The following PPARA variants were observed in gnomAD, a reference collection of about 807,000 sequenced individuals.
The protein encoded by PPARA is peroxisome proliferator-activated receptor alpha.
In PPARA, 22 loss-of-function variants were observed where a neutral mutation model predicts 42.2. That is an observed-to-expected ratio of 0.52 (90% confidence interval 0.37 to 0.74). The LOEUF (loss-of-function observed/expected upper bound fraction) is 0.74. PPARA is among the 30% of genes least tolerant of loss of function. The probability of loss-of-function intolerance (pLI) is 0.00; values close to 1 mark genes in which losing one functional copy is unlikely to be tolerated. For synonymous variants in PPARA, 242 were observed against 239.3 expected (o/e 1.01, Z -0.10); for missense variants, 465 against 608.2 (o/e 0.76, Z 2.48).
Position 46,211,133 on chromosome 22 carries a change from T to C in PPARA, c.209-4040T>C, listed in dbSNP as rs561108831. 7.2e-5 allele frequency among the ~76,000 whole-genome samples: 11 copies of C among 152,212 alleles called. No individual in the cohort carries two copies. Among genetic ancestry groups the C allele is most frequent in the Non-Finnish European group, 1.5e-4 (10 of 68,042 alleles). On this transcript the variant is annotated intron_variant, in intron 4 of 8. Coordinates refer to ENST00000407236, the MANE Select transcript of PPARA (RefSeq NM_005036.6). This position sits in a 1 kb window ranked among gnomAD's most constrained non-coding sequence, Gnocchi z 4.1. Reference sequence around the variant, plus strand: ...CTGGCAGAGCAAATACATATATGTATACATACTAACCTATGTCTATACAGG... The same window carrying C: ...CTGGCAGAGCAAATACATATATGTACACATACTAACCTATGTCTATACAGG...
At chr22:46,158,982 G>A (rs117601978) in intron 2 of PPARA, among the ~76,000 whole-genome samples, 3,194 of 152,110 alleles carry the variant, frequency 0.021, 65 homozygotes, top group Non-Finnish European at 0.03. Flanking sequence ...CTCTGCCTCC[G>A]GGGTTCCAGT....
chr22:46,185,663 G>A (rs916715547), intron 3 of PPARA, among the ~76,000 whole-genome samples: 4 of 151,456 alleles, frequency 2.6e-5, no homozygotes, highest in African/African-American at 9.7e-5. Flanking sequence ...GGGAGGCTGA[G>A]GCAGGTGGAT....
intron 2 of PPARA, chr22:46,164,672 G>A (rs1261387374): frequency 1.3e-5 from 2 of 152,238 alleles, no homozygotes; most frequent in Non-Finnish European, 2.9e-5. Context: ...CTGCTAGAAG[G>A]TGGCCCAGCA....
rs2147712249 is a variant in PPARA at position 46,233,868 on chromosome 22, G to A, written c.1160-1265G>A. ...AGACAGAGTCTCCGTCTGTCACCCT[G>A]GCTGGAGTGCAGTGGCACGATCTCA... On this transcript the variant is annotated intron_variant, in intron 8 of 8. Transcript: ENST00000407236. The surrounding 1 kb of genome is among the most constrained non-coding windows in gnomAD (Gnocchi z 7.3). Among the ~76,000 whole-genome samples the A allele has an allele frequency of 6.7e-6, 1 of 150,274 alleles. No individual in the cohort carries two copies. The highest frequency in any genetic ancestry group is 2.0e-4 in the East Asian group (1 of 5,116).
At position 46,183,025 on chromosome 22, in the gene PPARA, A is replaced by G. The variant is rs1930187417; in HGVS notation, c.-43+6189A>G. Among the ~76,000 whole-genome samples, 1 of 152,212 alleles carries G rather than the reference A, an allele frequency of 6.6e-6. No homozygotes were observed. The highest frequency in any genetic ancestry group is 2.4e-5 in the African/African-American group (1 of 41,450). ...CTCCCAAAGTGTTGGGATTATAGGC[A>G]TGAGCCACAGCACCGGGCCCATAAA... On this transcript the variant is annotated intron_variant, in intron 3 of 8. Transcript: ENST00000407236. The surrounding 1 kb of genome is among the most constrained non-coding windows in gnomAD (Gnocchi z 5.5).
rs1027920418 is a variant in PPARA, at chr22:46,184,567, A to G, written c.-43+7731A>G. 6.6e-6 allele frequency among the ~76,000 whole-genome samples: 1 copy of G among 152,206 alleles called. No homozygotes were observed. Among genetic ancestry groups the G allele is most frequent in the Non-Finnish European group, 1.5e-5 (1 of 68,038 alleles). On this transcript the variant is annotated intron_variant, in intron 3 of 8. Transcript: ENST00000407236. The surrounding 1 kb of genome is among the most constrained non-coding windows in gnomAD (Gnocchi z 4.4). ...TCCCATGTTGCTGTTGGAAAATCCA[A>G]AAGTATTCTATTTGGCCAGGCACAG...
In PPARA at chr22:46,160,019, A is replaced by T. The variant is rs1442871829; in HGVS notation, c.-127+8049A>T. ...TCCGATCACAAGCTGTGACTGGAAG[A>T]CGCCGACCACCACTGCAGCAGCCTG... On this transcript the variant is annotated intron_variant, in intron 2 of 8. Transcript: ENST00000407236. The surrounding 1 kb of genome is among the most constrained non-coding windows in gnomAD (Gnocchi z 4.5). Among the ~76,000 whole-genome samples the T allele has an allele frequency of 1.3e-5, 2 of 151,992 alleles. No individual in the cohort carries two copies. The highest frequency in any genetic ancestry group is 3.9e-4 in the East Asian group (2 of 5,184).
At position 46,187,007 on chromosome 22, in the gene PPARA, A is replaced by G. The variant is rs983101430; in HGVS notation, c.-43+10171A>G. Among the ~76,000 whole-genome samples, 3 of 152,224 alleles carry G rather than the reference A, an allele frequency of 2.0e-5. No homozygotes were observed. Among genetic ancestry groups the G allele is most frequent in the Admixed American group, 6.5e-5 (1 of 15,288 alleles). ...TCTCTCTCTCAGAATATCTTATTGT[A>G]CTGTACTGGGGGTAACTAAAACCAA... On this transcript the variant is annotated intron_variant, in intron 3 of 8. Coordinates refer to ENST00000407236, the MANE Select transcript of PPARA (RefSeq NM_005036.6). The surrounding 1 kb of genome is among the most constrained non-coding windows in gnomAD (Gnocchi z 4.9).
chr22:46,228,399 GT>G (rs4253768), intron 7 of PPARA, among the ~76,000 whole-genome samples: 27,547 of 152,130 alleles, frequency 0.18, 3,800 homozygotes, highest in African/African-American at 0.39. Context: ...ACCAGGCGTG[GT>G]TGGTGGGTGC....
At position 46,182,656 on chromosome 22, in the gene PPARA, C is replaced by T. The variant is rs140527068; in HGVS notation, c.-43+5820C>T. Among the ~76,000 whole-genome samples, 911 of 152,212 alleles carry T rather than the reference C, an allele frequency of 6.0e-3. 11 individuals carry two copies. Among genetic ancestry groups the T allele is most frequent in the African/African-American group, 0.021 (853 of 41,530 alleles). On this transcript the variant is annotated intron_variant, in intron 3 of 8. Transcript: ENST00000407236. This position sits in a 1 kb window ranked among gnomAD's most constrained non-coding sequence, Gnocchi z 5.2. ...TAGTGGTTTCACAGGTTGATACATA[C>T]GGCAAAAAATACCAAATTTGTACAC...
rs1236767379 is a variant in PPARA, at chr22:46,219,370, T to A, written c.509-442T>A. Among the ~76,000 whole-genome samples, 2 of 152,166 alleles carry A rather than the reference T, an allele frequency of 1.3e-5. No individual in the cohort carries two copies. The highest frequency in any genetic ancestry group is 4.8e-5 in the African/African-American group (2 of 41,444). ...ACGTTATGAATTTCCTTCTAGCCAA[T>A]CATTTAATAGTTTCAGAACATGCTA... On this transcript the variant is annotated intron_variant, in intron 6 of 8. Coordinates refer to ENST00000407236, the MANE Select transcript of PPARA (RefSeq NM_005036.6). This position sits in a 1 kb window ranked among gnomAD's most constrained non-coding sequence, Gnocchi z 4.8.
Position 46,211,987 on chromosome 22 carries a change from C to T in PPARA, c.209-3186C>T, listed in dbSNP as rs555573039. ...GATTACAGGCGTGAGCCACCACACC[C>T]GGTCTCTCTCCTTCCTTTCCTTTCC... On this transcript the variant is annotated intron_variant, in intron 4 of 8. Transcript: ENST00000407236. The surrounding 1 kb of genome is among the most constrained non-coding windows in gnomAD (Gnocchi z 4.1). 3.3e-5 allele frequency among the ~76,000 whole-genome samples: 5 copies of T among 151,896 alleles called. No homozygotes were observed. Among genetic ancestry groups the T allele is most frequent in the South Asian group, 2.1e-4 (1 of 4,800 alleles).
rs1270960314 is a variant in PPARA, at chr22:46,232,321, C to A, written c.1159+82C>A. On this transcript the variant is annotated intron_variant, in intron 8 of 8. Coordinates refer to ENST00000407236, the MANE Select transcript of PPARA (RefSeq NM_005036.6). The surrounding 1 kb of genome is among the most constrained non-coding windows in gnomAD (Gnocchi z 5.3). ...AAATTTGACAATGGGAAATCCAGTA[C>A]CAGCCTGAGCTGTTCCAGTGGAGGG... The A allele has an allele frequency of 5.7e-6, 8 of 1,414,142 alleles. No individual in the cohort carries two copies. The African/African-American group carries it at 8.5e-5, about 15-fold the overall frequency. The allele number at this position is 1,414,142 out of a possible 1,614,324, so 87.6% of individuals were successfully genotyped here. A position where few individuals can be genotyped will look rare whatever the true frequency, so the allele number is the denominator to read the frequency against.
chr22:46,178,558 G>A (rs986274803), intron 3 of PPARA, among the ~76,000 whole-genome samples: 1 of 152,162 alleles, frequency 6.6e-6, no homozygotes, highest in Non-Finnish European at 1.5e-5. Flanking sequence ...AGACCATGGT[G>A]TATAGATTAT....
Position 46,195,826 on chromosome 22 carries a change from C to T in PPARA, c.-42-2516C>T, listed in dbSNP as rs1932168928. The stretch of plus-strand genomic sequence containing the variant: ...CCCCCGAGCCTCTCCGTGGTGTGCG[C>T]CGTGGGCACCATGTGACCATTTTCA... On this transcript the variant is annotated intron_variant, in intron 3 of 8. Transcript: ENST00000407236. The surrounding 1 kb of genome is among the most constrained non-coding windows in gnomAD (Gnocchi z 4.6). Among the ~76,000 whole-genome samples, 1 of 152,086 alleles carries T rather than the reference C, an allele frequency of 6.6e-6. No homozygotes were observed. Among genetic ancestry groups the T allele is most frequent in the African/African-American group, 2.4e-5 (1 of 41,408 alleles).
At chr22:46,201,435 CT>C (rs2147413975) in intron 4 of PPARA, among the ~76,000 whole-genome samples, 1 of 152,214 alleles carries the variant, frequency 6.6e-6, no homozygotes, top group African/African-American at 2.4e-5. Flanking sequence ...AGGATAAGCG[CT>C]GTGGAAGGAG....
Position 46,167,339 on chromosome 22 carries a change from G to T in PPARA, c.-126-9414G>T, listed in dbSNP as rs1927229017. On this transcript the variant is annotated intron_variant, in intron 2 of 8. Coordinates refer to ENST00000407236, the MANE Select transcript of PPARA (RefSeq NM_005036.6). This position sits in a 1 kb window ranked among gnomAD's most constrained non-coding sequence, Gnocchi z 4.1. ...ATGTCATATAATTATTATTGAAATG[G>T]GTCATAGATCTAATTGTAAGAGTTA... Among the ~76,000 whole-genome samples, 1 of 151,652 alleles carries T rather than the reference G, an allele frequency of 6.6e-6. No homozygotes were observed. The highest frequency in any genetic ancestry group is 3.4e-3 in the Middle Eastern group (1 of 294).
rs374102544 is a variant in PPARA at position 46,230,091 on chromosome 22, G to A, written c.712-1701G>A. On this transcript the variant is annotated intron_variant, in intron 7 of 8. Coordinates refer to ENST00000407236, the MANE Select transcript of PPARA (RefSeq NM_005036.6). The surrounding 1 kb of genome is among the most constrained non-coding windows in gnomAD (Gnocchi z 5.0). ...GCAGTGATTAGAAATAACGCTGTAG[G>A]CCGGGCGCGGTGGCTCACCCCTGTA... Among the ~76,000 whole-genome samples, 111 of 152,334 alleles carry A rather than the reference G, an allele frequency of 7.3e-4. 1 individual carries two copies. The South Asian group carries it at 0.022, about 30-fold the overall frequency.
Position 46,243,198 on chromosome 22 carries a change from T to A in PPARA, c.*7818T>A, listed in dbSNP as rs1936423578. Reference sequence around the variant, plus strand: ...TGGTTACACCCTCTGGGATTCATAATGCCATTAGGCTAAAACCCTAAGAGA... The same window carrying A: ...TGGTTACACCCTCTGGGATTCATAAAGCCATTAGGCTAAAACCCTAAGAGA... On this transcript the variant is annotated 3_prime_UTR_variant, in exon 9 of 9. Coordinates refer to ENST00000407236, the MANE Select transcript of PPARA (RefSeq NM_005036.6). The surrounding 1 kb of genome is among the most constrained non-coding windows in gnomAD (Gnocchi z 5.0). 6.6e-6 allele frequency: 1 copy of A among 152,246 alleles called. No homozygotes were observed. Among genetic ancestry groups the A allele is most frequent in the Non-Finnish European group, 1.5e-5 (1 of 68,048 alleles). 9.4% of individuals were successfully genotyped at this position (152,246 alleles called of 1,614,324 possible).
Sources: gnomAD v4.1 joint callset for allele counts (sites outside exome capture counted in the v4.1 genomes callset) on GRCh38, gnomAD v4.1.1 for gene constraint, Gnocchi (gnomAD v3.1) non-coding constraint, MANE v1.5 for transcripts, NCBI Gene and HGNC (gene_info 2026-07-23, HGNC 2026-07-21) for gene names.